PLEKHA8: variants seen among roughly 807,000 people sequenced by gnomAD.
PLEKHA8 encodes the protein pleckstrin homology domain-containing family A member 8.
A neutral mutation model predicts 68.2 loss-of-function variants in PLEKHA8; 36 were observed. The ratio of observed to expected loss-of-function variants is 0.53; its 90% CI spans 0.40 to 0.70. PLEKHA8 has a LOEUF of 0.70. PLEKHA8 is among the 30% of genes least tolerant of loss of function. The pLI is 0.00. For missense variants in PLEKHA8, 505 were observed against 615.4 expected, an observed-to-expected ratio of 0.82 and a Z score of 1.90; for synonymous variants, 211 against 216.1, an observed-to-expected ratio of 0.98 and a Z score of 0.20.
chr7:30,028,651 A>C lies in PLEKHA8; in HGVS notation c.-112A>C, dbSNP rs1790394846. 1 of 826,252 alleles carries C rather than the reference A, an allele frequency of 1.2e-6. No homozygotes were observed. Among genetic ancestry groups the C allele is most frequent in the Non-Finnish European group, 1.6e-6 (1 of 616,036 alleles). The allele number at this position is 826,252 out of a possible 1,614,324, so 51.2% of individuals were successfully genotyped here. On this transcript the variant is annotated 5_prime_UTR_variant, in exon 1 of 14. Coordinates refer to ENST00000449726, the MANE Select transcript of PLEKHA8 (RefSeq NM_001197026.2). ...CCCCACACCGGGCCCGGGCGCCGGGAGTGGGCGTCTGGGCAGCGCCAGGCG... is the reference window on the plus strand; with the variant it reads ...CCCCACACCGGGCCCGGGCGCCGGGCGTGGGCGTCTGGGCAGCGCCAGGCG...
At chr7:30,129,205 T>C (rs762005336) in intron 13 of PLEKHA8, 30 of 1,612,186 alleles carry the variant, frequency 1.9e-5, no homozygotes, top group Non-Finnish European at 2.5e-5. Flanking sequence ...TGGTTGGGAC[T>C]AAAAGAGTAA....
intron 1 of PLEKHA8, 151 bp downstream of exon 1, chr7:30,028,953 C>A: frequency 2.1e-6 from 2 of 938,606 alleles, no homozygotes; most frequent in Non-Finnish European, 2.8e-6. Context: ...GCAGTTCTCT[C>A]ACGGGACCGT....
intron 13 of PLEKHA8, among the ~76,000 whole-genome samples, chr7:30,112,683 C>A (rs1370382513): frequency 6.6e-6 from 1 of 151,660 alleles, no homozygotes; most frequent in African/African-American, 2.4e-5. Flanking sequence ...CCACTGCACT[C>A]CAGCCTGGGT....
intron 13 of PLEKHA8, among the ~76,000 whole-genome samples, 190 bp downstream of exon 13, chr7:30,074,322 T>G (rs1409274015): frequency 6.8e-6 from 1 of 146,516 alleles, no homozygotes; most frequent in African/African-American, 2.5e-5. Context: ...GAACAAAATG[T>G]TATTTATTTC....
chr7:30,103,256 C>G (rs989877370), intron 13 of PLEKHA8, among the ~76,000 whole-genome samples: 1 of 152,058 alleles, frequency 6.6e-6, no homozygotes, highest in African/African-American at 2.4e-5. Flanking sequence ...GTATGTTTTG[C>G]CATAATTTAA....
At chr7:30,113,677 T>C (rs1390049747) in intron 13 of PLEKHA8, among the ~76,000 whole-genome samples, 2 of 152,202 alleles carry the variant, frequency 1.3e-5, no homozygotes, top group South Asian at 2.1e-4. Flanking sequence ...TATTACTGTT[T>C]CTGGAATTTC....
At chr7:30,074,284 T>G (rs949675804) in intron 13 of PLEKHA8, among the ~76,000 whole-genome samples, 152 bp downstream of exon 13, 2 of 141,676 alleles carry the variant, frequency 1.4e-5, no homozygotes, top group Non-Finnish European at 3.1e-5. Flanking sequence ...ATGTGTGGTG[T>G]TTTTGTTTGC....
chr7:30,029,532 G>C (rs539889735), intron 1 of PLEKHA8, among the ~76,000 whole-genome samples: 1 of 152,258 alleles, frequency 6.6e-6, no homozygotes, highest in Admixed American at 6.5e-5. Context: ...GGTTGTAACT[G>C]TTCTACAGCT....
rs761863084 is a variant in PLEKHA8 at position 30,046,304 on chromosome 7, G to A, written c.252G>A (p.Trp84Ter). ...GAAGTGTGGCTGAAAGACAGCGGTG[G>A]CTGGTGGCCCTGGGATCAGCCAAGG... The part of the protein sequence containing the change: ...KARSVAERQR[W>*]LVALGSAKAC... Residue 84 changes from tryptophan to a stop codon, truncating the protein, a stop_gained, in exon 3 of 14, where the codon TGG (tryptophan) becomes TGA (stop). Transcript: ENST00000449726. LOFTEE classifies it high-confidence loss of function. 6.2e-7 allele frequency: 1 copy of A among 1,613,858 alleles called. No homozygotes were observed. The highest frequency in any genetic ancestry group is 8.5e-7 in the Non-Finnish European group (1 of 1,179,906).
At chr7:30,092,639 C>G (rs1321513487), downstream of PLEKHA8, among the ~76,000 whole-genome samples, 1 of 152,192 alleles carries the variant, frequency 6.6e-6, no homozygotes, top group East Asian at 1.9e-4. Flanking sequence ...TCATCTCCTC[C>G]CCTTATTCGG....
intron 1 of PLEKHA8, among the ~76,000 whole-genome samples, chr7:30,041,996 C>T (rs930207817): frequency 2.6e-5 from 4 of 152,022 alleles, no homozygotes; most frequent in African/African-American, 4.8e-5. Flanking sequence ...GTTGTGGAGG[C>T]GATTAACATT....
rs542860356 is a variant in PLEKHA8 at position 30,032,750 on chromosome 7, G to A, written c.40+3948G>A. Among the ~76,000 whole-genome samples, 4 of 152,314 alleles carry A rather than the reference G, an allele frequency of 2.6e-5. No individual in the cohort carries two copies. The South Asian group carries it at 8.3e-4, about 32-fold the overall frequency. On this transcript the variant is annotated intron_variant, in intron 1 of 13. Transcript: ENST00000449726. ...AAGAAAGCTTTGACTGCCCAATGTTGTGCATATGTTTTGCCACGAGGAAAT... is the reference window on the plus strand; with the variant it reads ...AAGAAAGCTTTGACTGCCCAATGTTATGCATATGTTTTGCCACGAGGAAAT...
intron 13 of PLEKHA8, among the ~76,000 whole-genome samples, chr7:30,111,603 A>G (rs1796276989): frequency 1.4e-5 from 2 of 147,734 alleles, no homozygotes; most frequent in Non-Finnish European, 3.0e-5. Flanking sequence ...AAAAATGGAC[A>G]TTTATTTTAT....
intron 9 of PLEKHA8, among the ~76,000 whole-genome samples, chr7:30,060,099 T>C (rs1047881016): frequency 2.6e-5 from 4 of 151,748 alleles, no homozygotes; most frequent in African/African-American, 9.7e-5. Context: ...ATCATGCCAC[T>C]GCACTCTAGC....
At chr7:30,096,463 T>A (rs2128008643) in intron 13 of PLEKHA8, among the ~76,000 whole-genome samples, 1 of 152,316 alleles carries the variant, frequency 6.6e-6, no homozygotes, top group South Asian at 2.1e-4. Context: ...AATCATGTCA[T>A]CTGCAAACAG....
intron 12 of PLEKHA8, among the ~76,000 whole-genome samples, 160 bp downstream of exon 12, chr7:30,062,902 A>G (rs897334094): frequency 3.9e-5 from 6 of 152,186 alleles, no homozygotes; most frequent in Non-Finnish European, 7.3e-5. Context: ...TGCTTTGTTT[A>G]AAAGTACCTA....
chr7:30,116,223 TACGTATACATGTATGCGTATACATGTAC>T (rs1294022443), intron 13 of PLEKHA8, among the ~76,000 whole-genome samples: 1 of 151,096 alleles, frequency 6.6e-6, no homozygotes, highest in Non-Finnish European at 1.5e-5. Flanking sequence ...CATATGTATA[TACGTATACATGTATGCGTATACATGTAC>T]ACGTATACAT....
intron 12 of PLEKHA8, among the ~76,000 whole-genome samples, chr7:30,072,631 T>G (rs1367965826): frequency 1.3e-5 from 2 of 152,222 alleles, no homozygotes; most frequent in Non-Finnish European, 1.5e-5. Context: ...GTACTTGTGG[T>G]TTTAGTGTCT....
At position 30,082,949 on chromosome 7, in the gene PLEKHA8, A is replaced by G. The variant is rs1041249317; in HGVS notation, c.*4162A>G. On this transcript the variant is annotated 3_prime_UTR_variant, in exon 14 of 14. Coordinates refer to ENST00000449726, the MANE Select transcript of PLEKHA8 (RefSeq NM_001197026.2). ...TGGTTATATAATGGTGCGTCTCTGAATCACTGATTAAAACCAGTTGCTTCT... is the reference window on the plus strand; with the variant it reads ...TGGTTATATAATGGTGCGTCTCTGAGTCACTGATTAAAACCAGTTGCTTCT... 3 of 985,306 alleles carry G rather than the reference A, an allele frequency of 3.0e-6. No individual in the cohort carries two copies. In the African/African-American group the frequency reaches 5.2e-5, roughly 17 times the overall value. The allele number at this position is 985,306 out of a possible 1,614,324, so 61.0% of individuals were successfully genotyped here.
Sources: allele counts gnomAD v4.1 joint callset (sites outside exome capture counted in the v4.1 genomes callset), GRCh38; gene constraint gnomAD v4.1.1; transcripts MANE v1.5; gene names NCBI Gene and HGNC (gene_info 2026-07-23, HGNC 2026-07-21).